Variants in ZFP37 observed in about 807,000 individuals in gnomAD.
ZFP37 encodes the protein zinc finger protein 37 homolog.
Under a neutral mutation model 52.1 loss-of-function variants are expected in ZFP37, and 38 were observed. The observed-to-expected ratio is 0.73, with a 90% CI of 0.56 to 0.96. ZFP37 has a LOEUF of 0.96. ZFP37 is among the 40% of genes least tolerant of loss of function. The pLI is 0.00. For synonymous variants in ZFP37, 253 were observed against 259.5 expected (o/e 0.98, Z 0.24); for missense variants, 695 against 741.4 (o/e 0.94, Z 0.73).
At chr9:113,044,302 T>A in intron 3 of ZFP37, 34 bp from the exon 4 acceptor site, 1 of 1,504,866 alleles carries the variant, frequency 6.6e-7, no homozygotes, top group Non-Finnish European at 8.8e-7. Context: ...TTCTTGTGAA[T>A]CTTTGTACTC....
At chr9:113,045,625 C>T (rs982834939) in intron 3 of ZFP37, among the ~76,000 whole-genome samples, 3 of 152,190 alleles carry the variant, frequency 2.0e-5, no homozygotes, top group Admixed American at 6.5e-5. Flanking sequence ...ATTACCCACA[C>T]TGAAAGCTGT....
In ZFP37 at chr9:113,042,804, T is replaced by G. The variant is rs1217841890; in HGVS notation, c.1814A>C (p.Glu605Ala). Residue 605 changes from glutamate (E) to alanine (A), a missense_variant, in exon 4 of 4, where the codon GAA becomes GCA. Physicochemically the swap from Glu to Ala is moderately radical, Grantham distance 107. Transcript: ENST00000374227. ...ATTTTGTTTGAAAGTTTTCCCACATTCATTACATTCATAGGGTTTTTCTCC... is the reference window on the plus strand; with the variant it reads ...ATTTTGTTTGAAAGTTTTCCCACATGCATTACATTCATAGGGTTTTTCTCC... ...HTGEKPYECN[E>A]CGKTFKQNAS... is the part of the protein sequence containing the mutation. The G allele has an allele frequency of 3.1e-6, 5 of 1,611,994 alleles. No homozygotes were observed. The South Asian group carries it at 3.3e-5, about 11-fold the overall frequency.
rs371543799 is a variant in ZFP37 at position 113,043,202 on chromosome 9, C to T, written c.1416G>A (p.Lys472=). The change falls in exon 4 of 4, where the codon AAG becomes AAA. Residue 472 remains lysine (K), a synonymous_variant. Coordinates refer to ENST00000374227, the MANE Select transcript of ZFP37 (RefSeq NM_003408.3). ...TTTGATGTATAATGAGGTGTGACTT[C>T]TTGCTGAAAGCTTTCCCACATTCAT... is the stretch of plus-strand genomic sequence containing the variant. The part of the protein sequence containing the change: ...ECNECGKAFS[K]KSHLIIHQRT... The T allele has an allele frequency of 6.2e-7, 1 of 1,613,362 alleles. No homozygotes were observed. The highest frequency in any genetic ancestry group is 2.2e-5 in the East Asian group (1 of 44,766).
Position 113,041,807 on chromosome 9 carries a change from A to C in ZFP37, c.*918T>G, listed in dbSNP as rs1828851896. The C allele has an allele frequency of 6.6e-6, 1 of 152,166 alleles. No individual in the cohort carries two copies. The highest frequency in any genetic ancestry group is 2.4e-5 in the African/African-American group (1 of 41,452). 9.4% of individuals were successfully genotyped at this position (152,166 alleles called of 1,614,324 possible). Reference sequence around the variant, plus strand: ...GTGGAGGGGCTCAGTGACAACCTTAAATAATGTTGATTTATGCATATTAAA... The same window carrying C: ...GTGGAGGGGCTCAGTGACAACCTTACATAATGTTGATTTATGCATATTAAA... On this transcript the variant is annotated 3_prime_UTR_variant, in exon 4 of 4. Transcript: ENST00000374227.
rs752515492 is a variant in ZFP37, at chr9:113,049,540, C to G, written c.215-44G>C. The G allele has an allele frequency of 5.7e-5, 90 of 1,588,918 alleles. 1 individual carries two copies. The highest frequency in any genetic ancestry group is 7.5e-5 in the Non-Finnish European group (88 of 1,165,714). The stretch of plus-strand genomic sequence containing the variant: ...AGAAACTGAGTGTTAGAACAACCAT[C>G]CCAGAAATGAAGCCGCAGCATTTGT... On this transcript the variant is annotated intron_variant, in intron 2 of 3. Transcript: ENST00000374227.
chr9:113,044,049 A>C lies in ZFP37; in HGVS notation c.569T>G (p.Leu190Ter), dbSNP rs775486264. The C allele has an allele frequency of 5.0e-6, 8 of 1,611,856 alleles. No individual in the cohort carries two copies. The highest frequency in any genetic ancestry group is 6.8e-6 in the Non-Finnish European group (8 of 1,179,492). Residue 190 changes from leucine (L) to a stop codon, truncating the protein, a stop_gained, in exon 4 of 4, where the codon TTA (leucine) becomes TGA (stop). Coordinates refer to ENST00000374227, the MANE Select transcript of ZFP37 (RefSeq NM_003408.3). LOFTEE classifies it high-confidence loss of function. ...TACACAGTTTCTTGAGTGATCAGGT[A>C]AATCTAAATTCTGTTTCAAAATTTT... ...CGKILKQNLD[L>*]PDHSRNCVKR... is the part of the protein sequence containing the mutation.
rs1292889804 is a variant in ZFP37, at chr9:113,040,861, TATG to T, written c.*1861_*1863del. 11 of 152,192 alleles carry T rather than the reference TATG, an allele frequency of 7.2e-5. No individual in the cohort carries two copies. The highest frequency in any genetic ancestry group is 1.9e-4 in the African/African-American group (8 of 41,466). 9.4% of individuals were successfully genotyped at this position (152,192 alleles called of 1,614,324 possible). Reference sequence around the variant, plus strand: ...AATTAATATTGTATTAAAATAAAGGTATGATGTTTTTGAAAACCATTTCTGTAC... The same window carrying T: ...AATTAATATTGTATTAAAATAAAGGTATGTTTTTGAAAACCATTTCTGTAC... On this transcript the variant is annotated 3_prime_UTR_variant, in exon 4 of 4. Transcript: ENST00000374227.
intron 1 of ZFP37, among the ~76,000 whole-genome samples, chr9:113,051,593 T>C (rs1051846356): frequency 1.3e-5 from 2 of 152,044 alleles, no homozygotes; most frequent in African/African-American, 4.8e-5. Context: ...GCTGGGACTA[T>C]AGGCAAGCAA....
intron 3 of ZFP37, among the ~76,000 whole-genome samples, chr9:113,046,330 T>C (rs1828955369): frequency 6.6e-6 from 1 of 151,690 alleles, no homozygotes; most frequent in Admixed American, 6.6e-5. Flanking sequence ...TGGCTGCTTT[T>C]TCATTTAGGA....
rs528006502 is a variant in ZFP37 at position 113,046,549 on chromosome 9, A to G, written c.350-2281T>C. ...CTGGTCCCAACTGATATCTGCCGGCAGGAAAAGACATAAGATACTACAAGA... is the reference window on the plus strand; with the variant it reads ...CTGGTCCCAACTGATATCTGCCGGCGGGAAAAGACATAAGATACTACAAGA... On this transcript the variant is annotated intron_variant, in intron 3 of 3. Transcript: ENST00000374227. 6.1e-4 allele frequency among the ~76,000 whole-genome samples: 93 copies of G among 152,292 alleles called. No individual in the cohort carries two copies. In the Middle Eastern group the frequency reaches 0.01, roughly 17 times the overall value.
At chr9:113,051,398 T>G (rs1466439796) in intron 1 of ZFP37, among the ~76,000 whole-genome samples, 1 of 152,150 alleles carries the variant, frequency 6.6e-6, no homozygotes, top group Non-Finnish European at 1.5e-5. Flanking sequence ...TGTCTAACAT[T>G]TAAAGATAAT....
chr9:113,054,653 G>C (rs1434270321), intron 1 of ZFP37, among the ~76,000 whole-genome samples: 1 of 152,102 alleles, frequency 6.6e-6, no homozygotes, highest in East Asian at 1.9e-4. Context: ...TTTCCATTCA[G>C]AAAATAGAAT....
chr9:113,050,892 C>CA (rs113594789), intron 1 of ZFP37, among the ~76,000 whole-genome samples: 20,981 of 131,068 alleles, frequency 0.16, 1,717 homozygotes, highest in East Asian at 0.3. Context: ...GACTCCATCT[C>CA]AAAAAAAAAA....
At chr9:113,045,017 C>T (rs1464238183) in intron 3 of ZFP37, among the ~76,000 whole-genome samples, 1 of 152,086 alleles carries the variant, frequency 6.6e-6, no homozygotes. Context: ...AACTATCTTG[C>T]CCTTAGCTTG....
chr9:113,050,053 T>G, intron 1 of ZFP37, 181 bp from the exon 2 acceptor site: 1 of 1,000,060 alleles, frequency 1.0e-6, no homozygotes. Context: ...CTCTACTCAA[T>G]TTTTCATTAT....
At chr9:113,055,813 A>C (rs1394375906) in intron 1 of ZFP37, among the ~76,000 whole-genome samples, 1 of 152,186 alleles carries the variant, frequency 6.6e-6, no homozygotes, top group Non-Finnish European at 1.5e-5. Context: ...ACTTCTAGTC[A>C]CAGAATCATA....
intron 3 of ZFP37, among the ~76,000 whole-genome samples, chr9:113,046,142 C>CTATA (rs1248518073): frequency 6.7e-6 from 1 of 149,174 alleles, no homozygotes; most frequent in African/African-American, 2.5e-5. Context: ...ATATATCTGT[C>CTATA]TATATATATA....
Position 113,041,771 on chromosome 9 carries a change from T to A in ZFP37, c.*954A>T, listed in dbSNP as rs1828850988. 1 of 152,208 alleles carries A rather than the reference T, an allele frequency of 6.6e-6. No homozygotes were observed. The highest frequency in any genetic ancestry group is 2.4e-5 in the African/African-American group (1 of 41,450). The allele number at this position is 152,208 out of a possible 1,614,324, so 9.4% of individuals were successfully genotyped here. A position where few individuals can be genotyped will look rare whatever the true frequency, so the allele number is the denominator to read the frequency against. On this transcript the variant is annotated 3_prime_UTR_variant, in exon 4 of 4. Coordinates refer to ENST00000374227, the MANE Select transcript of ZFP37 (RefSeq NM_003408.3). ...CAAAATCTGAGATCTCACATGTTGATCTCACATGTTGTGGAGGGGCTCAGT... is the reference window on the plus strand; with the variant it reads ...CAAAATCTGAGATCTCACATGTTGAACTCACATGTTGTGGAGGGGCTCAGT...
At chr9:113,054,144 C>T (rs1023942630) in intron 1 of ZFP37, among the ~76,000 whole-genome samples, 1 of 152,158 alleles carries the variant, frequency 6.6e-6, no homozygotes, top group Non-Finnish European at 1.5e-5. Flanking sequence ...TCAAAATAAC[C>T]ATTGAGCTAC....
Sources: gnomAD v4.1 joint callset for allele counts (sites outside exome capture counted in the v4.1 genomes callset) on GRCh38, gnomAD v4.1.1 for gene constraint, MANE v1.5 for transcripts, NCBI Gene and HGNC (gene_info 2026-07-23, HGNC 2026-07-21) for gene names.